Variants in CNTRL observed in about 807,000 individuals in gnomAD.
CNTRL encodes the protein 110 kDa centrosomal protein.
Under a neutral mutation model 303.7 loss-of-function variants are expected in CNTRL, and 233 were observed. The ratio of observed to expected loss-of-function variants is 0.77; its 90% CI spans 0.69 to 0.86. The LOEUF is 0.86. Among genes scored for constraint, CNTRL ranks in the 40% least tolerant of loss-of-function variants. The pLI, the probability that CNTRL is intolerant of heterozygous loss-of-function variation, is 0.00. For missense variants in CNTRL, 2,524 were observed against 2,650.6 expected (o/e 0.95, Z 1.05); for synonymous variants, 900 against 922.2 (o/e 0.98, Z 0.44).
In CNTRL at chr9:121,112,678, A is replaced by G. The variant is rs2049800646; in HGVS notation, c.1122+100A>G. On this transcript the variant is annotated intron_variant, in intron 9 of 43. Transcript: ENST00000373855. Reference sequence around the variant, plus strand: ...GGACATGTAAGGGATTTGATCAGATATCACTCCACTTTCTTGTTATGAGAG... The same window carrying G: ...GGACATGTAAGGGATTTGATCAGATGTCACTCCACTTTCTTGTTATGAGAG... 5 of 1,202,764 alleles carry G rather than the reference A, an allele frequency of 4.2e-6. No homozygotes were observed. In the East Asian group the frequency reaches 7.1e-5, roughly 17 times the overall value. The allele number at this position is 1,202,764 out of a possible 1,614,324, so 74.5% of individuals were successfully genotyped here.
intron 34 of CNTRL, among the ~76,000 whole-genome samples, chr9:121,163,931 C>A (rs2146834): frequency 0.079 from 11,746 of 147,810 alleles, 637 homozygotes; most frequent in Middle Eastern, 0.15. Flanking sequence ...GTGGCGCTAT[C>A]TTGGCTCACT....
chr9:121,098,557 G>A lies in CNTRL; in HGVS notation c.793G>A (p.Glu265Lys). 4 of 1,597,164 alleles carry A rather than the reference G, an allele frequency of 2.5e-6. No individual in the cohort carries two copies. Among genetic ancestry groups the A allele is most frequent in the Non-Finnish European group, 3.4e-6 (4 of 1,174,310 alleles). The change falls in exon 7 of 44, where the codon GAG becomes AAG. Residue 265 changes from glutamate to lysine, a missense_variant. Coordinates refer to ENST00000373855, the MANE Select transcript of CNTRL (RefSeq NM_007018.6). The part of the protein sequence containing the change: ...VTTQDRQEAF[E>K]RFSLEEVERL... ...CACTCAGGATAGACAGGAGGCTTTT[G>A]AGAGATTCAGTTTAGGTAAGATTAA...
chr9:121,134,276 C>T (rs984247172), intron 14 of CNTRL, among the ~76,000 whole-genome samples: 1 of 147,424 alleles, frequency 6.8e-6, no homozygotes. Context: ...TCCCTAATGT[C>T]CTCTAATATC....
chr9:121,150,453 G>A lies in CNTRL; in HGVS notation c.3933G>A (p.Leu1311=). The part of the protein sequence containing the change: ...FSIPFIPMGV[L]HCNVPEHHNL... Reference sequence around the variant, plus strand: ...TCCCCTTCATCCCTATGGGTGTGCTGCATTGCAACGTCCCTGAACACCATA... The same window carrying A: ...TCCCCTTCATCCCTATGGGTGTGCTACATTGCAACGTCCCTGAACACCATA... Residue 1311 remains leucine (L), a synonymous_variant, in exon 25 of 44, where the codon CTG becomes CTA. Coordinates refer to ENST00000373855, the MANE Select transcript of CNTRL (RefSeq NM_007018.6). 1 of 1,614,144 alleles carries A rather than the reference G, an allele frequency of 6.2e-7. No individual in the cohort carries two copies.
chr9:121,086,853 A>G (rs542559865), intron 2 of CNTRL, among the ~76,000 whole-genome samples: 427 of 152,106 alleles, frequency 2.8e-3, no homozygotes, highest in African/African-American at 9.7e-3. Context: ...GGGTTTTGCC[A>G]TGTTGGCCAG....
chr9:121,126,333 TAACAA>T (rs1279228716), intron 14 of CNTRL, among the ~76,000 whole-genome samples: 2 of 152,180 alleles, frequency 1.3e-5, no homozygotes, highest in African/African-American at 4.8e-5. Flanking sequence ...ATTTTATAGC[TAACAA>T]AACAGACATA....
At position 121,173,699 on chromosome 9, in the gene CNTRL, C is replaced by G. The variant is rs199735492; in HGVS notation, c.6709C>G (p.Leu2237Val). 6.2e-7 allele frequency: 1 copy of G among 1,614,128 alleles called. No individual in the cohort carries two copies. The highest frequency in any genetic ancestry group is 2.2e-5 in the East Asian group (1 of 44,882). ...GGATGAACACTGGCGTGGAGAAGCA[C>G]TCCGGGAGAAACTGCGTCACCGGGA... ...IMDEHWRGEA[L>V]REKLRHREDR... The change falls in exon 42 of 44, where the codon CTC becomes GTC. Residue 2237 changes from leucine to valine, a missense_variant. Coordinates refer to ENST00000373855, the MANE Select transcript of CNTRL (RefSeq NM_007018.6).
intron 19 of CNTRL, among the ~76,000 whole-genome samples, chr9:121,142,630 C>T (rs1421829562): frequency 6.6e-6 from 1 of 152,190 alleles, no homozygotes; most frequent in Non-Finnish European, 1.5e-5. Flanking sequence ...AATACCCCTG[C>T]CTCTCTTTAA....
Position 121,169,668 on chromosome 9 carries a change from C to G in CNTRL, c.6128C>G (p.Ala2043Gly). Residue 2043 changes from alanine (A) to glycine (G), a missense_variant, in exon 39 of 44, where the codon GCC (alanine) becomes GGC (glycine). Physicochemically the swap from Ala to Gly is moderately conservative, Grantham distance 60. Coordinates refer to ENST00000373855, the MANE Select transcript of CNTRL (RefSeq NM_007018.6). Reference sequence around the variant, plus strand: ...GTGGAGAAATCAGGTGAGCTGTTGGCCCTCCAGAAAGAGGCAGATTCTATG... The same window carrying G: ...GTGGAGAAATCAGGTGAGCTGTTGGGCCTCCAGAAAGAGGCAGATTCTATG... ...QLVEKSGELL[A>G]LQKEADSMRA... The G allele has an allele frequency of 6.2e-7, 1 of 1,614,122 alleles. No individual in the cohort carries two copies. Among genetic ancestry groups the G allele is most frequent in the South Asian group, 1.1e-5 (1 of 91,076 alleles).
rs140417376 is a variant in CNTRL, at chr9:121,143,939, T to C, written c.2908T>C (p.Phe970Leu). 42 of 1,604,794 alleles carry C rather than the reference T, an allele frequency of 2.6e-5. No individual in the cohort carries two copies. Among genetic ancestry groups the C allele is most frequent in the Non-Finnish European group, 3.6e-5 (42 of 1,177,592 alleles). ...LEDAKSQEQVFGLDKELKKLK... is the reference protein window; with the variant it reads ...LEDAKSQEQVLGLDKELKKLK... ...AGATGCCAAATCTCAGGAGCAAGTT[T>C]TTGGTTTAGATAAAGAACTGAAGAA... The change falls in exon 20 of 44, where the codon TTT becomes CTT. Residue 970 changes from phenylalanine to leucine, a missense_variant. Transcript: ENST00000373855.
rs561682172 is a variant in CNTRL, at chr9:121,164,144, A to T, written c.5424-799A>T. On this transcript the variant is annotated intron_variant, in intron 34 of 43. Coordinates refer to ENST00000373855, the MANE Select transcript of CNTRL (RefSeq NM_007018.6). ...CTCCCAAAGTGCTGGGATTGCAGGC[A>T]TGAGCCACCGCATCTGGCCGGAACT... Among the ~76,000 whole-genome samples, 18 of 152,266 alleles carry T rather than the reference A, an allele frequency of 1.2e-4. No individual in the cohort carries two copies. The East Asian group carries it at 2.3e-3, about 20-fold the overall frequency.
intron 21 of CNTRL, 28 bp downstream of exon 21, chr9:121,144,987 C>T (rs750126716): frequency 4.5e-6 from 7 of 1,557,440 alleles, no homozygotes; most frequent in Non-Finnish European, 6.2e-6. Context: ...GAGACCTCCT[C>T]TTTCTCAGAT....
chr9:121,115,224 G>A (rs1428198384), intron 11 of CNTRL, 24 bp downstream of exon 11: 1 of 1,274,000 alleles, frequency 7.8e-7, no homozygotes, highest in African/African-American at 1.5e-5. Flanking sequence ...AAGCAGCAAT[G>A]CTAAGAGGAA....
chr9:121,137,006 G>A (rs1372472559), intron 15 of CNTRL, among the ~76,000 whole-genome samples: 1 of 152,174 alleles, frequency 6.6e-6, no homozygotes, highest in Non-Finnish European at 1.5e-5. Context: ...TAAGGTATTT[G>A]TATTCTAGGC....
intron 1 of CNTRL, among the ~76,000 whole-genome samples, chr9:121,075,602 CTT>C (rs2047890068): frequency 6.6e-6 from 1 of 152,198 alleles, no homozygotes; most frequent in African/African-American, 2.4e-5. Context: ...GCCAGACAAA[CTT>C]GGGTTGAAGC....
chr9:121,106,189 A>C (rs561345053), intron 7 of CNTRL, among the ~76,000 whole-genome samples: 1 of 151,968 alleles, frequency 6.6e-6, no homozygotes, highest in Non-Finnish European at 1.5e-5. Context: ...AAATACAAAA[A>C]TTAGCTGGGT....
intron 14 of CNTRL, among the ~76,000 whole-genome samples, chr9:121,127,662 AATT>A (rs1451535698): frequency 2.6e-5 from 4 of 151,204 alleles, no homozygotes; most frequent in Non-Finnish European, 5.9e-5. Flanking sequence ...TATACTTTTT[AATT>A]ATTATTATAC....
At chr9:121,112,634 G>A in intron 9 of CNTRL, 56 bp downstream of exon 9, 2 of 1,566,628 alleles carry the variant, frequency 1.3e-6, no homozygotes, top group Admixed American at 1.7e-5. Context: ...GGGATGGAAT[G>A]GGGGAGGGCA....
chr9:121,125,988 CA>C, intron 14 of CNTRL, 52 bp downstream of exon 14: 1 of 1,451,458 alleles, frequency 6.9e-7, no homozygotes, highest in Non-Finnish European at 9.7e-7. Context: ...AGATAATGTC[CA>C]AATTAAGTTA....
Sources: allele counts gnomAD v4.1 joint callset (sites outside exome capture counted in the v4.1 genomes callset), GRCh38; gene constraint gnomAD v4.1.1; transcripts MANE v1.5; gene names NCBI Gene and HGNC (gene_info 2026-07-23, HGNC 2026-07-21).